The following HS2ST1 variants were observed in gnomAD, a reference collection of about 807,000 sequenced individuals.
HS2ST1 encodes the protein heparan sulfate 2-O-sulfotransferase 1.
Under a neutral mutation model 42.9 loss-of-function variants are expected in HS2ST1, and 18 were observed. The observed-to-expected ratio is 0.42, with a 90% CI of 0.29 to 0.62. HS2ST1 has a LOEUF of 0.62. HS2ST1 is among the 20% of genes least tolerant of loss of function. The pLI, the probability that HS2ST1 is intolerant of heterozygous loss-of-function variation, is 0.21. For synonymous variants in HS2ST1, 146 were observed against 152.9 expected, an observed-to-expected ratio of 0.95 and a Z score of 0.33; for missense variants, 334 against 433.8, an observed-to-expected ratio of 0.77 and a Z score of 2.04.
intron 1 of HS2ST1, among the ~76,000 whole-genome samples, chr1:87,023,366 G>T (rs1650000784): frequency 6.6e-6 from 1 of 151,522 alleles, no homozygotes; most frequent in Non-Finnish European, 1.5e-5. Context: ...ATAGATGAGT[G>T]GTAAAATAAG....
chr1:87,053,887 T>C (rs1403633014), intron 1 of HS2ST1, among the ~76,000 whole-genome samples: 2 of 103,166 alleles, frequency 1.9e-5, no homozygotes, highest in Admixed American at 1.0e-4. Flanking sequence ...CAAAATTCTC[T>C]TTTGATGTTT....
At chr1:86,985,383 T>TACACAC (rs1318154258) in intron 1 of HS2ST1, among the ~76,000 whole-genome samples, 4 of 44,744 alleles carry the variant, frequency 8.9e-5, no homozygotes, top group Non-Finnish European at 2.2e-4. Context: ...TATATATATA[T>TACACAC]ACACACACAC....
chr1:87,012,112 C>A, intron 1 of HS2ST1, among the ~76,000 whole-genome samples: 1 of 152,088 alleles, frequency 6.6e-6, no homozygotes, highest in African/African-American at 2.4e-5. Flanking sequence ...AGGTGTTCTA[C>A]TTTTTTTTCC....
chr1:86,964,231 G>A (rs1449150853), intron 1 of HS2ST1, among the ~76,000 whole-genome samples: 11 of 152,104 alleles, frequency 7.2e-5, no homozygotes, highest in South Asian at 2.1e-4. Flanking sequence ...CTTCCCAGAC[G>A]GGGTGGCGGC....
intron 1 of HS2ST1, among the ~76,000 whole-genome samples, chr1:86,994,876 A>T (rs572143301): frequency 9.1e-4 from 139 of 152,252 alleles, no homozygotes; most frequent in Non-Finnish European, 1.5e-3. Context: ...AAATCTGTTA[A>T]CTAAGGGTAC....
chr1:86,984,887 C>G (rs1451189037), intron 1 of HS2ST1, among the ~76,000 whole-genome samples: 1 of 115,258 alleles, frequency 8.7e-6, no homozygotes, highest in Non-Finnish European at 1.7e-5. Context: ...GCCTGGGTGA[C>G]AAGAAGAAAT....
chr1:86,937,838 G>A (rs1660688125), intron 1 of HS2ST1, among the ~76,000 whole-genome samples: 1 of 150,458 alleles, frequency 6.6e-6, no homozygotes, highest in African/African-American at 2.4e-5. Flanking sequence ...GGCATTCGTT[G>A]GTACCTTCTC....
chr1:87,088,206 C>G (rs1281240239), intron 3 of HS2ST1, among the ~76,000 whole-genome samples: 3 of 152,018 alleles, frequency 2.0e-5, no homozygotes, highest in African/African-American at 7.2e-5. Flanking sequence ...GTATAAGACT[C>G]TTAGCCTCCA....
chr1:87,081,226 C>T (rs1651679205), intron 2 of HS2ST1, among the ~76,000 whole-genome samples: 1 of 152,140 alleles, frequency 6.6e-6, no homozygotes, highest in Non-Finnish European at 1.5e-5. Flanking sequence ...TAGATATTTA[C>T]AGAACATTTC....
chr1:86,933,200 T>C (rs764521879), intron 1 of HS2ST1, among the ~76,000 whole-genome samples: 1 of 152,196 alleles, frequency 6.6e-6, no homozygotes, highest in Non-Finnish European at 1.5e-5. Context: ...TTGAGCTTCA[T>C]GGATCTGTAG....
At chr1:86,964,665 G>T (rs544901797) in intron 1 of HS2ST1, among the ~76,000 whole-genome samples, 1 of 152,262 alleles carries the variant, frequency 6.6e-6, no homozygotes, top group South Asian at 2.1e-4. Context: ...GAGAGGGAGA[G>T]CTGTGTTTAT....
chr1:87,043,108 G>C (rs796454398), intron 1 of HS2ST1, among the ~76,000 whole-genome samples: 15 of 152,148 alleles, frequency 9.9e-5, no homozygotes, highest in African/African-American at 3.6e-4. Flanking sequence ...TTTCTATGTA[G>C]AGAACCGTTT....
At position 86,914,636 on chromosome 1, in the gene HS2ST1, C is replaced by A. The variant is rs1660094103; in HGVS notation, c.-401C>A. ...GGCGGGGGCGGGGATGAGGGCGGCG[C>A]AGCCGCAGCGCCGGTGGAGGGGCGC... On this transcript the variant is annotated 5_prime_UTR_variant, in exon 1 of 7. Coordinates refer to ENST00000370550, the MANE Select transcript of HS2ST1 (RefSeq NM_012262.4). 1 of 205,654 alleles carries A rather than the reference C, an allele frequency of 4.9e-6. No individual in the cohort carries two copies. 12.7% of individuals were successfully genotyped at this position (205,654 alleles called of 1,614,324 possible).
At chr1:86,980,432 CAA>C (rs1443227962) in intron 1 of HS2ST1, among the ~76,000 whole-genome samples, 2 of 151,818 alleles carry the variant, frequency 1.3e-5, no homozygotes, top group Non-Finnish European at 2.9e-5. Flanking sequence ...ACAATGTCAA[CAA>C]AATGCTAACA....
intron 1 of HS2ST1, among the ~76,000 whole-genome samples, chr1:86,958,710 A>G (rs1647741892): frequency 6.6e-6 from 1 of 152,194 alleles, no homozygotes; most frequent in Non-Finnish European, 1.5e-5. Flanking sequence ...AAATAGAAAC[A>G]GGGGGAATAC....
In HS2ST1 at chr1:87,072,984, A is replaced by G. The variant is rs760621318; in HGVS notation, c.175A>G (p.Met59Val). 6.2e-6 allele frequency: 10 copies of G among 1,614,102 alleles called. No homozygotes were observed. The East Asian group carries it at 1.1e-4, about 18-fold the overall frequency. Reference sequence around the variant, plus strand: ...CCGAGAAATTGAGCAGCGACATACAATGGATGGCCCTCGGCAAGATGCCAC... The same window carrying G: ...CCGAGAAATTGAGCAGCGACATACAGTGGATGGCCCTCGGCAAGATGCCAC... ...EVREIEQRHT[M>V]DGPRQDATLD... The change falls in exon 2 of 7, where the codon ATG becomes GTG. Residue 59 changes from methionine to valine, a missense_variant. Transcript: ENST00000370550.
chr1:86,933,953 TG>T (rs1660592223), intron 1 of HS2ST1, among the ~76,000 whole-genome samples: 1 of 152,206 alleles, frequency 6.6e-6, no homozygotes, highest in African/African-American at 2.4e-5. Context: ...TTATTTAAGC[TG>T]TAAGTCCCTG....
At chr1:87,063,598 A>G (rs1570522909) in intron 1 of HS2ST1, among the ~76,000 whole-genome samples, 1 of 152,052 alleles carries the variant, frequency 6.6e-6, no homozygotes, top group Non-Finnish European at 1.5e-5. Flanking sequence ...GCTTCCCTAA[A>G]TGCTGGGATT....
intron 5 of HS2ST1, 47 bp from the exon 6 acceptor site, chr1:87,103,381 ACACT>A (rs769763750): frequency 7.2e-6 from 11 of 1,519,386 alleles, no homozygotes; most frequent in Admixed American, 6.3e-5. Flanking sequence ...GGCACCAGAA[ACACT>A]CAGCAGATTT....
Sources: allele counts gnomAD v4.1 joint callset (sites outside exome capture counted in the v4.1 genomes callset), GRCh38; gene constraint gnomAD v4.1.1; transcripts MANE v1.5; gene names NCBI Gene and HGNC (gene_info 2026-07-23, HGNC 2026-07-21).